GABRG3: variants seen among roughly 807,000 people sequenced by gnomAD.
GABRG3 encodes gamma-aminobutyric acid type A receptor subunit gamma3, also known as gamma-aminobutyric acid receptor subunit gamma-3.
A neutral mutation model predicts 48.8 loss-of-function variants in GABRG3; 25 were observed. The ratio of observed to expected loss-of-function variants is 0.51; its 90% CI spans 0.37 to 0.72. The LOEUF is 0.72. GABRG3 is among the 30% of genes least tolerant of loss of function. GABRG3 has a pLI of 0.00. For missense variants in GABRG3, 394 were observed against 577.9 expected, an observed-to-expected ratio of 0.68 and a Z score of 3.26; for synonymous variants, 227 against 217.6, an observed-to-expected ratio of 1.04 and a Z score of -0.38.
intron 3 of GABRG3, among the ~76,000 whole-genome samples, chr15:27,056,135 G>A (rs1185398027): frequency 6.6e-6 from 1 of 151,868 alleles, no homozygotes; most frequent in Non-Finnish European, 1.5e-5. Context: ...GGTTACTTGA[G>A]TCCAGGAGTT....
At chr15:27,320,600 A>C (rs1249760977) in intron 3 of GABRG3, among the ~76,000 whole-genome samples, 12 of 152,206 alleles carry the variant, frequency 7.9e-5, no homozygotes. Flanking sequence ...CCCGTGCTGG[A>C]GGAAATAAAT....
At chr15:27,146,585 C>T (rs1836479472) in intron 3 of GABRG3, among the ~76,000 whole-genome samples, 1 of 152,076 alleles carries the variant, frequency 6.6e-6, no homozygotes, top group African/African-American at 2.4e-5. Context: ...CATAAAGCAA[C>T]AATTATATTC....
intron 3 of GABRG3, among the ~76,000 whole-genome samples, chr15:27,237,923 C>T (rs1279904784): frequency 6.6e-6 from 1 of 152,094 alleles, no homozygotes; most frequent in African/African-American, 2.4e-5. Flanking sequence ...TATATTTACA[C>T]CTGTTATGCT....
intron 3 of GABRG3, among the ~76,000 whole-genome samples, chr15:27,155,066 T>G (rs758768250): frequency 3.3e-5 from 5 of 152,148 alleles, no homozygotes; most frequent in Non-Finnish European, 7.4e-5. Context: ...GCTCTGTTTA[T>G]TTTTTCAGTC....
At chr15:27,369,056 T>C (rs1895307834) in intron 5 of GABRG3, among the ~76,000 whole-genome samples, 1 of 152,244 alleles carries the variant, frequency 6.6e-6, no homozygotes, top group Admixed American at 6.5e-5. Context: ...CTCTCTGGCA[T>C]TTATGCTTTT....
intron 6 of GABRG3, among the ~76,000 whole-genome samples, chr15:27,519,129 T>C (rs940837405): frequency 2.6e-5 from 4 of 152,130 alleles, no homozygotes; most frequent in Non-Finnish European, 5.9e-5. Context: ...TTTCGGGCAC[T>C]GGATGACTGA....
At chr15:27,369,639 C>G (rs1227901345) in intron 5 of GABRG3, among the ~76,000 whole-genome samples, 1 of 151,752 alleles carries the variant, frequency 6.6e-6, no homozygotes. Context: ...GACACTGTCT[C>G]TACTAAAAAT....
At chr15:27,517,439 C>T (rs905775357) in intron 6 of GABRG3, among the ~76,000 whole-genome samples, 2 of 152,202 alleles carry the variant, frequency 1.3e-5, no homozygotes, top group African/African-American at 4.8e-5. Context: ...CATGGATGCC[C>T]AGGTAGACTT....
At chr15:27,115,152 G>T (rs950420104) in intron 3 of GABRG3, among the ~76,000 whole-genome samples, 1 of 151,792 alleles carries the variant, frequency 6.6e-6, no homozygotes, top group Non-Finnish European at 1.5e-5. Context: ...TTCACTAATG[G>T]TGGCAGTTAG....
intron 3 of GABRG3, among the ~76,000 whole-genome samples, chr15:27,099,313 C>G (rs1022469536): frequency 9.9e-5 from 15 of 152,072 alleles, no homozygotes; most frequent in Non-Finnish European, 1.6e-4. Flanking sequence ...ACAGCCTGGG[C>G]ACTTTATTTT....
At chr15:27,423,541 GT>G (rs57806464) in intron 5 of GABRG3, among the ~76,000 whole-genome samples, 244 of 136,374 alleles carry the variant, frequency 1.8e-3, no homozygotes, top group Admixed American at 4.0e-3. Context: ...TTGTTTTTTG[GT>G]TTTTTTTTTT....
intron 5 of GABRG3, among the ~76,000 whole-genome samples, chr15:27,443,344 C>T (rs1041632996): frequency 6.6e-6 from 1 of 152,152 alleles, no homozygotes; most frequent in Non-Finnish European, 1.5e-5. Flanking sequence ...ATTGGTATAT[C>T]TCTTTATTTA....
At chr15:26,973,546 C>CT (rs747061249) in intron 1 of GABRG3, among the ~76,000 whole-genome samples, 10 of 152,166 alleles carry the variant, frequency 6.6e-5, no homozygotes, top group Non-Finnish European at 1.3e-4. Context: ...CATTTGCACT[C>CT]TGAGTCCCTT....
intron 3 of GABRG3, among the ~76,000 whole-genome samples, chr15:27,137,327 G>A (rs1898027608): frequency 6.6e-6 from 1 of 152,130 alleles, no homozygotes; most frequent in African/African-American, 2.4e-5. Context: ...CCTAGCACGT[G>A]GTGGGTGCCA....
At chr15:27,308,498 T>G (rs1459919249) in intron 3 of GABRG3, among the ~76,000 whole-genome samples, 1 of 148,034 alleles carries the variant, frequency 6.8e-6, no homozygotes, top group Admixed American at 6.8e-5. Flanking sequence ...ACATACATGT[T>G]TTATATAAAC....
intron 3 of GABRG3, among the ~76,000 whole-genome samples, chr15:27,161,505 A>G (rs1454670): frequency 0.13 from 20,251 of 152,210 alleles, 1,645 homozygotes; most frequent in Admixed American, 0.24. Flanking sequence ...CTTTTTGATG[A>G]AGAAAAGCTC....
At chr15:27,206,273 A>G (rs1441656124) in intron 3 of GABRG3, among the ~76,000 whole-genome samples, 1 of 152,130 alleles carries the variant, frequency 6.6e-6, no homozygotes. Context: ...ATTAGTTTCA[A>G]AGAATTTCTT....
intron 3 of GABRG3, among the ~76,000 whole-genome samples, chr15:27,150,593 G>A (rs1363063370): frequency 1.3e-5 from 2 of 152,134 alleles, no homozygotes; most frequent in African/African-American, 2.4e-5. Context: ...TATCAACTAC[G>A]TTGATCCCAA....
intron 3 of GABRG3, among the ~76,000 whole-genome samples, chr15:27,300,908 G>A (rs144557345): frequency 8.6e-4 from 130 of 151,244 alleles, no homozygotes; most frequent in Non-Finnish European, 1.5e-3. Flanking sequence ...TGGAGGTTGC[G>A]GTAAGCCAAG....
Sources: allele counts gnomAD v4.1 joint callset (sites outside exome capture counted in the v4.1 genomes callset), GRCh38; gene constraint gnomAD v4.1.1; transcripts MANE v1.5; gene names NCBI Gene and HGNC (gene_info 2026-07-23, HGNC 2026-07-21).